UCP2: variants seen among roughly 807,000 people sequenced by gnomAD.
The protein encoded by UCP2 is uncoupling protein 2, also known as dicarboxylate carrier SLC25A8.
In UCP2, 27 loss-of-function variants were observed where a neutral mutation model predicts 31.3. That is an observed-to-expected ratio of 0.86 (90% CI 0.64 to 1.19). UCP2 has a LOEUF of 1.19. UCP2 is among the 50% of genes most tolerant of loss of function. UCP2 has a pLI of 0.00. For synonymous variants in UCP2, 142 were observed against 157.4 expected, an observed-to-expected ratio of 0.90 and a Z score of 0.73; for missense variants, 377 against 413.5, an observed-to-expected ratio of 0.91 and a Z score of 0.76.
Position 73,974,921 on chromosome 11 carries a change from G to C in UCP2, c.*86C>G, listed in dbSNP as rs1412361405. 5 of 1,116,128 alleles carry C rather than the reference G, an allele frequency of 4.5e-6. No homozygotes were observed. Among genetic ancestry groups the C allele is most frequent in the Admixed American group, 3.9e-5 (2 of 50,694 alleles). The allele number at this position is 1,116,128 out of a possible 1,614,324, so 69.1% of individuals were successfully genotyped here. Reference sequence around the variant, plus strand: ...GGAAAGAGGGAAGGAGAGAAGGGAAGGAGGGAAGAGAAAGAAGGAAGAAAA... The same window carrying C: ...GGAAAGAGGGAAGGAGAGAAGGGAACGAGGGAAGAGAAAGAAGGAAGAAAA... On this transcript the variant is annotated 3_prime_UTR_variant, in exon 8 of 8. Transcript: ENST00000663595.
chr11:73,982,883 G>T, upstream of UCP2: 1 of 152,656 alleles, frequency 6.6e-6, no homozygotes, highest in South Asian at 2.0e-4. Flanking sequence ...AAGCCTCGGG[G>T]GCGGGGCCCG....
chr11:73,977,296 C>T (rs1172985237), intron 4 of UCP2, among the ~76,000 whole-genome samples: 3 of 152,158 alleles, frequency 2.0e-5, no homozygotes, highest in Non-Finnish European at 4.4e-5. Context: ...GCTCAACAGC[C>T]CTGAGAAATC....
chr11:73,981,256 C>A (rs1009343868), intron 2 of UCP2: 1 of 152,202 alleles, frequency 6.6e-6, no homozygotes, highest in Non-Finnish European at 1.5e-5. Flanking sequence ...TCAGTTTTCT[C>A]CTTTATAAAA....
intron 2 of UCP2, chr11:73,981,084 C>T (rs1269971235): frequency 6.6e-6 from 1 of 152,184 alleles, no homozygotes; most frequent in Non-Finnish European, 1.5e-5. Flanking sequence ...ATTTTACAGT[C>T]CCCAGCAAAT....
chr11:73,975,814 AC>A (rs1951334397), intron 6 of UCP2, 143 bp from the exon 7 acceptor site: 1 of 1,055,792 alleles, frequency 9.5e-7, no homozygotes, highest in African/African-American at 1.6e-5. Context: ...GTAATCCAGG[AC>A]TTCTTTTGGA....
chr11:73,977,103 G>A, intron 4 of UCP2, 86 bp from the exon 5 acceptor site: 1 of 1,389,490 alleles, frequency 7.2e-7, no homozygotes, highest in Non-Finnish European at 9.7e-7. Flanking sequence ...CCCTGTCACT[G>A]TCATCTCCTG....
upstream of UCP2, chr11:73,983,138 C>G (rs1396255553): frequency 6.6e-6 from 1 of 152,400 alleles, no homozygotes; most frequent in African/African-American, 2.4e-5. Context: ...GATGGCAAGA[C>G]TGACCGCCAG....
rs774097794 is a variant in UCP2, at chr11:73,978,361, G to A, written c.18C>T (p.Ala6=). 1 of 1,614,166 alleles carries A rather than the reference G, an allele frequency of 6.2e-7. No individual in the cohort carries two copies. ...CAGTGGCAGTAGGGGGCACATCTGTGGCCTTGAACCCAACCATGATGCTGA... is the reference window on the plus strand; with the variant it reads ...CAGTGGCAGTAGGGGGCACATCTGTAGCCTTGAACCCAACCATGATGCTGA... MVGFK[A]TDVPPTATVK... The change falls in exon 3 of 8, where the codon GCC becomes GCT. Residue 6 remains alanine (A), a synonymous_variant. Transcript: ENST00000663595.
chr11:73,978,884 A>G (rs548932722), intron 2 of UCP2: 52 of 257,778 alleles, frequency 2.0e-4, no homozygotes, highest in African/African-American at 1.1e-3. Flanking sequence ...CAACAGGCAC[A>G]GACCCATAGG....
intron 6 of UCP2, among the ~76,000 whole-genome samples, chr11:73,976,049 C>T (rs931617791): frequency 2.0e-5 from 3 of 151,802 alleles, no homozygotes; most frequent in African/African-American, 4.8e-5. Flanking sequence ...CCTGGGCAAC[C>T]GAGCAAGACC....
chr11:73,976,135 T>C (rs1024302055), intron 6 of UCP2, among the ~76,000 whole-genome samples: 1 of 152,040 alleles, frequency 6.6e-6, no homozygotes, highest in African/African-American at 2.4e-5. Flanking sequence ...GAGGCCAAGG[T>C]GGGCAGATCA....
At chr11:73,980,173 C>T (rs992629806) in intron 2 of UCP2, 6 of 152,252 alleles carry the variant, frequency 3.9e-5, no homozygotes, top group African/African-American at 1.4e-4. Context: ...TGACCTGCTT[C>T]TTCCCCTGAG....
chr11:73,981,308 C>G (rs1458405209), intron 2 of UCP2, 168 bp downstream of exon 2: 3 of 152,122 alleles, frequency 2.0e-5, no homozygotes, highest in Non-Finnish European at 4.4e-5. Flanking sequence ...AGCTGAAGGG[C>G]CAGAATGAGA....
chr11:73,978,527 C>T (rs1214910538), intron 2 of UCP2, 50 bp from the exon 3 acceptor site: 1 of 1,151,994 alleles, frequency 8.7e-7, no homozygotes, highest in Non-Finnish European at 1.2e-6. Context: ...CCCAGGCCCT[C>T]CCTGCTCACC....
rs1951318961 is a variant in UCP2, at chr11:73,975,081, C to A, written c.856G>T (p.Val286Leu). 1 of 1,613,802 alleles carries A rather than the reference C, an allele frequency of 6.2e-7. No individual in the cohort carries two copies. The highest frequency in any genetic ancestry group is 2.2e-5 in the East Asian group (1 of 44,854). The change falls in exon 8 of 8, where the codon GTG (valine) becomes TTG (leucine). Residue 286 changes from valine to leucine, a missense_variant. By Grantham distance (32) the Val-to-Leu change is conservative (BLOSUM62 1). Coordinates refer to ENST00000663595, the MANE Select transcript of UCP2 (RefSeq NM_003355.3). ...SFLRLGSWNV[V>L]MFVTYEQLKR... ...AGCTGCTCATAGGTGACGAACATCACCACGTTCCAGGAACCCAAGCGGAGA... is the reference window on the plus strand; with the variant it reads ...AGCTGCTCATAGGTGACGAACATCAACACGTTCCAGGAACCCAAGCGGAGA...
At chr11:73,982,167 G>T (rs748270178) in intron 1 of UCP2, among the ~76,000 whole-genome samples, 1 of 152,336 alleles carries the variant, frequency 6.6e-6, no homozygotes, top group Non-Finnish European at 1.5e-5. Context: ...GGCAGGGCTC[G>T]GCATCGTGGT....
At position 73,976,957 on chromosome 11, in the gene UCP2, A is replaced by T. The variant is rs776658321; in HGVS notation, c.398T>A (p.Val133Glu). The change falls in exon 5 of 8, where the codon GTG becomes GAG. Residue 133 changes from valine to glutamate, a missense_variant. Coordinates refer to ENST00000663595, the MANE Select transcript of UCP2 (RefSeq NM_003355.3). ...GSTTGALAVAVAQPTDVVKVR... is the reference protein window; with the variant it reads ...GSTTGALAVAEAQPTDVVKVR... The stretch of plus-strand genomic sequence containing the variant: ...CTTTACCACATCCGTGGGCTGGGCC[A>T]CAGCCACAGCCAGGGCACCTGTGGT... The T allele has an allele frequency of 7.5e-6, 12 of 1,608,344 alleles. No individual in the cohort carries two copies. In the South Asian group the frequency reaches 1.3e-4, roughly 18 times the overall value.
Position 73,976,879 on chromosome 11 carries a change from G to A in UCP2, c.476C>T (p.Thr159Ile). The A allele has an allele frequency of 6.2e-7, 1 of 1,614,206 alleles. No homozygotes were observed. The highest frequency in any genetic ancestry group is 1.1e-5 in the South Asian group (1 of 91,078). The change falls in exon 5 of 8, where the codon ACC (threonine) becomes ATC (isoleucine). Residue 159 changes from threonine to isoleucine, a missense_variant. By Grantham distance (89) the Thr-to-Ile change is moderately conservative. Transcript: ENST00000663595. Reference protein sequence around the residue: ...RAGGGRRYQSTVNAYKTIARE... With the variant: ...RAGGGRRYQSIVNAYKTIARE... ...GGCAATGGTCTTGTAGGCATTGACG[G>A]TGCTTTGGTATCTCCGACCACCTCC...
Position 73,978,432 on chromosome 11 carries a change from C to A in UCP2, c.-54G>T. The A allele has an allele frequency of 6.2e-7, 1 of 1,611,444 alleles. No individual in the cohort carries two copies. On this transcript the variant is annotated 5_prime_UTR_variant, in exon 3 of 8. Coordinates refer to ENST00000663595, the MANE Select transcript of UCP2 (RefSeq NM_003355.3). ...GATGGAGAAAAACTGGAGACAGGGG[C>A]ACCTTTAATCAGCAACAAGACGAGA...
Sources: allele counts gnomAD v4.1 joint callset (sites outside exome capture counted in the v4.1 genomes callset), GRCh38; gene constraint gnomAD v4.1.1; transcripts MANE v1.5; gene names NCBI Gene and HGNC (gene_info 2026-07-23, HGNC 2026-07-21).